The following ARHGAP24 variants were observed in gnomAD, a reference collection of about 807,000 sequenced individuals.
The protein encoded by ARHGAP24 is rho GTPase-activating protein 24.
Under a neutral mutation model 76.4 loss-of-function variants are expected in ARHGAP24, and 50 were observed. The observed-to-expected ratio is 0.65, with a 90% CI of 0.52 to 0.83. ARHGAP24 has a LOEUF of 0.83. Ranked by LOEUF, ARHGAP24 falls within the 40% of genes least tolerant of loss-of-function variation. The probability of loss-of-function intolerance (pLI) is 0.00; values close to 1 mark genes in which losing one functional copy is unlikely to be tolerated. For synonymous variants in ARHGAP24, 345 were observed against 323.3 expected, an observed-to-expected ratio of 1.07 and a Z score of -0.72; for missense variants, 930 against 914.2, an observed-to-expected ratio of 1.02 and a Z score of -0.22.
intron 3 of ARHGAP24, among the ~76,000 whole-genome samples, chr4:85,845,681 G>A (rs1730845098): frequency 6.6e-6 from 1 of 152,048 alleles, no homozygotes; most frequent in African/African-American, 2.4e-5. Flanking sequence ...ACACAACTGT[G>A]TAAGTGAAGT....
intron 6 of ARHGAP24, 146 bp from the exon 7 acceptor site, chr4:85,974,742 G>A: frequency 1.5e-6 from 1 of 654,154 alleles, no homozygotes; most frequent in Non-Finnish European, 2.7e-6. Flanking sequence ...AATATTCACT[G>A]TGATGGTGGT....
rs1159523135 is a variant in ARHGAP24, at chr4:85,664,563, T to A, written c.181-57322T>A. Among the ~76,000 whole-genome samples the A allele has an allele frequency of 2.7e-5, 4 of 150,876 alleles. 1 individual carries two copies. Among genetic ancestry groups the A allele is most frequent in the African/African-American group, 9.9e-5 (4 of 40,464 alleles). ...TTCTTGCCTTCTGCTAGCTTTTGAA[T>A]GTGTTTGCTCTTGCTTTTCTAGTTC... is the stretch of plus-strand genomic sequence containing the variant. On this transcript the variant is annotated intron_variant, in intron 2 of 9. Transcript: ENST00000395184.
At chr4:85,658,391 T>G (rs1459136825) in intron 2 of ARHGAP24, among the ~76,000 whole-genome samples, 1 of 152,098 alleles carries the variant, frequency 6.6e-6, no homozygotes, top group Non-Finnish European at 1.5e-5. Flanking sequence ...TTCTCAGAAT[T>G]TTTTTTAACC....
chr4:85,511,174 C>T (rs955407467), intron 1 of ARHGAP24, among the ~76,000 whole-genome samples: 1 of 152,162 alleles, frequency 6.6e-6, no homozygotes, highest in African/African-American at 2.4e-5. Context: ...ATTGTGCTTA[C>T]CACAACTGAG....
intron 2 of ARHGAP24, among the ~76,000 whole-genome samples, chr4:85,653,246 G>A (rs1472292893): frequency 6.6e-6 from 1 of 152,036 alleles, no homozygotes; most frequent in Non-Finnish European, 1.5e-5. Flanking sequence ...TCTAGCTGGC[G>A]AGGTTATTTT....
At chr4:85,685,353 C>A (rs1723377020) in intron 2 of ARHGAP24, among the ~76,000 whole-genome samples, 1 of 152,150 alleles carries the variant, frequency 6.6e-6, no homozygotes, top group South Asian at 2.1e-4. Flanking sequence ...CAAAGTGGGG[C>A]TGTGCACGGT....
intron 1 of ARHGAP24, among the ~76,000 whole-genome samples, chr4:85,517,182 C>T (rs1339304936): frequency 6.6e-6 from 1 of 152,272 alleles, no homozygotes; most frequent in Non-Finnish European, 1.5e-5. Context: ...TTTCATAGTA[C>T]ATTTAAATCT....
At chr4:85,565,624 A>G (rs564779941) in intron 1 of ARHGAP24, among the ~76,000 whole-genome samples, 95 of 152,242 alleles carry the variant, frequency 6.2e-4, no homozygotes, top group Non-Finnish European at 1.0e-3. Context: ...GAGTGGATGC[A>G]TTGTGGTGGA....
At chr4:85,795,906 C>T (rs1728321453) in intron 3 of ARHGAP24, among the ~76,000 whole-genome samples, 1 of 152,120 alleles carries the variant, frequency 6.6e-6, no homozygotes, top group South Asian at 2.1e-4. Flanking sequence ...TTGACTCATT[C>T]ACACATGTTA....
chr4:85,762,241 A>G (rs1726759450), intron 3 of ARHGAP24, among the ~76,000 whole-genome samples: 1 of 152,222 alleles, frequency 6.6e-6, no homozygotes, highest in African/African-American at 2.4e-5. Flanking sequence ...TATCATTAAG[A>G]AATTTCATTC....
intron 3 of ARHGAP24, among the ~76,000 whole-genome samples, chr4:85,874,938 T>TA (rs370946841): frequency 0.47 from 5,299 of 11,278 alleles, 1,448 homozygotes; most frequent in African/African-American, 0.54. Context: ...AATTTATATA[T>TA]AATATATTTT....
At chr4:85,852,770 T>TATC (rs1731312924) in intron 3 of ARHGAP24, among the ~76,000 whole-genome samples, 1 of 152,184 alleles carries the variant, frequency 6.6e-6, no homozygotes, top group Admixed American at 6.5e-5. Flanking sequence ...TTTGCCTGGG[T>TATC]ATCACCTTTG....
At chr4:85,596,490 A>C (rs1209369134) in intron 2 of ARHGAP24, among the ~76,000 whole-genome samples, 1 of 152,112 alleles carries the variant, frequency 6.6e-6, no homozygotes, top group African/African-American at 2.4e-5. Flanking sequence ...AGGTAAGAGA[A>C]GAGAAAAGAG....
At chr4:85,679,553 GC>G (rs1264410801) in intron 2 of ARHGAP24, among the ~76,000 whole-genome samples, 1 of 152,020 alleles carries the variant, frequency 6.6e-6, no homozygotes, top group Non-Finnish European at 1.5e-5. Context: ...CTGGTCTCTG[GC>G]CCTCAGTCCA....
chr4:85,669,029 T>C (rs1183592431), intron 2 of ARHGAP24, among the ~76,000 whole-genome samples: 1 of 152,130 alleles, frequency 6.6e-6, no homozygotes, highest in East Asian at 1.9e-4. Flanking sequence ...CCTTTGTGTG[T>C]GTGTGTGATT....
At chr4:85,857,545 G>T (rs1731652963) in intron 3 of ARHGAP24, among the ~76,000 whole-genome samples, 1 of 151,966 alleles carries the variant, frequency 6.6e-6, no homozygotes, top group Non-Finnish European at 1.5e-5. Context: ...TCCTCATAAT[G>T]CTTTTATTTT....
intron 2 of ARHGAP24, among the ~76,000 whole-genome samples, chr4:85,688,093 G>A (rs1188208266): frequency 6.6e-6 from 1 of 152,162 alleles, no homozygotes; most frequent in Non-Finnish European, 1.5e-5. Flanking sequence ...AATTATAGGC[G>A]TGAGCCACCG....
intron 8 of ARHGAP24, among the ~76,000 whole-genome samples, chr4:85,982,373 T>TTTTTGTTTTGTTTTG (rs6148555): frequency 0.079 from 11,835 of 150,236 alleles, 969 homozygotes; most frequent in African/African-American, 0.2. Context: ...AGATAAGTTG[T>TTTTTGTTTTGTTTTG]TTTTGTTTTG....
intron 2 of ARHGAP24, among the ~76,000 whole-genome samples, chr4:85,578,573 C>T (rs1303097099): frequency 1.3e-5 from 2 of 152,138 alleles, no homozygotes. Context: ...GACTCACTAC[C>T]AGCTATAGGG....
Sources: allele counts gnomAD v4.1 joint callset (sites outside exome capture counted in the v4.1 genomes callset), GRCh38; gene constraint gnomAD v4.1.1; transcripts MANE v1.5; gene names NCBI Gene and HGNC (gene_info 2026-07-23, HGNC 2026-07-21).